ZNRF3: variants seen among roughly 807,000 people sequenced by gnomAD.
ZNRF3 encodes the protein E3 ubiquitin-protein ligase ZNRF3.
Under a neutral mutation model 72.5 loss-of-function variants are expected in ZNRF3, and 23 were observed. The observed-to-expected ratio is 0.32, with a 90% CI of 0.23 to 0.45. ZNRF3 has a LOEUF of 0.45. ZNRF3 is among the 20% of genes least tolerant of loss of function. The pLI is 1.00. For synonymous variants in ZNRF3, 610 were observed against 545.3 expected (o/e 1.12, Z -1.65); for missense variants, 1,169 against 1,272.1 (o/e 0.92, Z 1.23).
chr22:28,892,478 G>T (rs866249765), intron 1 of ZNRF3, among the ~76,000 whole-genome samples: 1 of 152,214 alleles, frequency 6.6e-6, no homozygotes, highest in African/African-American at 2.4e-5. Context: ...TGAGGTTAAA[G>T]CTGATAACCT....
Position 28,885,120 on chromosome 22 carries a change from T to C in ZNRF3, c.300+1054T>C, listed in dbSNP as rs544623274. 2.0e-5 allele frequency among the ~76,000 whole-genome samples: 3 copies of C among 152,292 alleles called. No individual in the cohort carries two copies. The East Asian group carries it at 5.8e-4, about 29-fold the overall frequency. ...CTGTGCTTTACTCTTGGGTGAGTTATGAATGAAAAGAAGGGGACTCCATGG... is the reference window on the plus strand; with the variant it reads ...CTGTGCTTTACTCTTGGGTGAGTTACGAATGAAAAGAAGGGGACTCCATGG... On this transcript the variant is annotated intron_variant, in intron 1 of 8. Transcript: ENST00000544604.
At chr22:28,922,246 T>C (rs73881184) in intron 1 of ZNRF3, among the ~76,000 whole-genome samples, 3,373 of 152,330 alleles carry the variant, frequency 0.022, 133 homozygotes, top group African/African-American at 0.077. Flanking sequence ...ATCGGGTTAC[T>C]TGAATGAATC....
intron 1 of ZNRF3, among the ~76,000 whole-genome samples, chr22:28,884,903 G>A (rs1201240326): frequency 2.0e-5 from 3 of 152,166 alleles, no homozygotes; most frequent in Non-Finnish European, 4.4e-5. Context: ...TGAAGCTTCT[G>A]CGGATGGTTA....
chr22:28,913,955 C>T (rs2034365002), intron 1 of ZNRF3, among the ~76,000 whole-genome samples: 1 of 152,122 alleles, frequency 6.6e-6, no homozygotes, highest in Non-Finnish European at 1.5e-5. Flanking sequence ...CTTCGTTTGC[C>T]CCGCCTCTGT....
At chr22:28,969,426 A>G (rs777500930) in intron 1 of ZNRF3, among the ~76,000 whole-genome samples, 1 of 152,172 alleles carries the variant, frequency 6.6e-6, no homozygotes, top group Non-Finnish European at 1.5e-5. Flanking sequence ...ATAAACTTAT[A>G]CACTGAGCAG....
At chr22:29,002,541 C>T (rs2036166891) in intron 2 of ZNRF3, among the ~76,000 whole-genome samples, 1 of 152,208 alleles carries the variant, frequency 6.6e-6, no homozygotes, top group Non-Finnish European at 1.5e-5. Context: ...ACTCCAAGTT[C>T]CATTTTAGAA....
At chr22:29,038,536 G>C (rs972657261) in intron 2 of ZNRF3, among the ~76,000 whole-genome samples, 3 of 151,898 alleles carry the variant, frequency 2.0e-5, no homozygotes, top group African/African-American at 7.3e-5. Flanking sequence ...TTGCTATATT[G>C]CCCAGGCTAG....
intron 1 of ZNRF3, among the ~76,000 whole-genome samples, chr22:28,886,559 T>C (rs1055684575): frequency 2.0e-4 from 31 of 152,372 alleles, no homozygotes; most frequent in African/African-American, 7.2e-4. Flanking sequence ...GTTTGAATCT[T>C]AACTCTTGCT....
rs975615384 is a variant in ZNRF3 at position 29,046,751 on chromosome 22, G to C, written c.780G>C (p.Glu260Asp). The part of the protein sequence containing the change: ...SMNRLAVQAL[E>D]KMETRKFNSK... Reference sequence around the variant, plus strand: ...ACAGGCTGGCTGTGCAGGCTCTAGAGAAGATGGAAACCAGAAAGTTCAACT... The same window carrying C: ...ACAGGCTGGCTGTGCAGGCTCTAGACAAGATGGAAACCAGAAAGTTCAACT... Residue 260 changes from glutamate (E) to aspartate (D), a missense_variant, in exon 6 of 9, where the codon GAG (glutamate) becomes GAC (aspartate). Physicochemically the swap from Glu to Asp is conservative, Grantham distance 45. Transcript: ENST00000544604. 1.9e-6 allele frequency: 3 copies of C among 1,611,368 alleles called. No homozygotes were observed. Among genetic ancestry groups the C allele is most frequent in the Non-Finnish European group, 1.7e-6 (2 of 1,178,750 alleles).
intron 1 of ZNRF3, among the ~76,000 whole-genome samples, chr22:28,984,297 A>G (rs2035816316): frequency 6.6e-6 from 1 of 152,086 alleles, no homozygotes; most frequent in Admixed American, 6.6e-5. Flanking sequence ...TACCCATTGA[A>G]CAGTCACTCC....
chr22:28,997,118 T>G (rs1601644102), intron 2 of ZNRF3, among the ~76,000 whole-genome samples: 1 of 152,148 alleles, frequency 6.6e-6, no homozygotes, highest in African/African-American at 2.4e-5. Flanking sequence ...AGGCTAACTG[T>G]CCCATGGACC....
At chr22:28,944,831 CAGG>C (rs1265136504) in intron 1 of ZNRF3, among the ~76,000 whole-genome samples, 2 of 150,112 alleles carry the variant, frequency 1.3e-5, no homozygotes, top group Non-Finnish European at 3.0e-5. Flanking sequence ...GAGGCTGAGG[CAGG>C]AGAATTGCTT....
chr22:29,006,218 T>TTTC (rs1429291943), intron 2 of ZNRF3, among the ~76,000 whole-genome samples: 1 of 148,388 alleles, frequency 6.7e-6, no homozygotes, highest in Non-Finnish European at 1.5e-5. Flanking sequence ...CGTTTCTTTT[T>TTTC]TTTTTTTTTT....
intron 2 of ZNRF3, among the ~76,000 whole-genome samples, chr22:29,001,332 G>A (rs567908035): frequency 6.6e-6 from 1 of 151,776 alleles, no homozygotes; most frequent in South Asian, 2.1e-4. Context: ...TTTTATTATT[G>A]AGTTTATTGA....
chr22:28,929,631 A>C (rs545145161), intron 1 of ZNRF3, among the ~76,000 whole-genome samples: 1 of 152,244 alleles, frequency 6.6e-6, no homozygotes, highest in Non-Finnish European at 1.5e-5. Context: ...CCCCATCCCA[A>C]TCTGAAAATC....
intron 1 of ZNRF3, among the ~76,000 whole-genome samples, chr22:28,932,506 G>A (rs1364384704): frequency 6.6e-6 from 1 of 152,174 alleles, no homozygotes; most frequent in Non-Finnish European, 1.5e-5. Context: ...CAGTGTGAGA[G>A]TGTAGTAGCC....
intron 2 of ZNRF3, among the ~76,000 whole-genome samples, chr22:29,039,682 C>T (rs906363121): frequency 6.7e-6 from 1 of 150,128 alleles, no homozygotes; most frequent in African/African-American, 2.5e-5. Flanking sequence ...TATGGTGGCT[C>T]ATGCCTGTGA....
intron 1 of ZNRF3, among the ~76,000 whole-genome samples, chr22:28,939,832 C>T (rs2034910120): frequency 6.6e-6 from 1 of 152,072 alleles, no homozygotes; most frequent in South Asian, 2.1e-4. Context: ...GTTTTTTTCA[C>T]CTCTTCCAAC....
intron 1 of ZNRF3, among the ~76,000 whole-genome samples, chr22:28,969,442 G>A (rs2035531719): frequency 6.6e-6 from 1 of 152,150 alleles, no homozygotes; most frequent in Non-Finnish European, 1.5e-5. Flanking sequence ...AGCAGAAGGT[G>A]ATATGTAAAG....
Sources: allele counts gnomAD v4.1 joint callset (sites outside exome capture counted in the v4.1 genomes callset), GRCh38; gene constraint gnomAD v4.1.1; transcripts MANE v1.5; gene names NCBI Gene and HGNC (gene_info 2026-07-23, HGNC 2026-07-21).